CPA5: variants seen among roughly 807,000 people sequenced by gnomAD.
CPA5 encodes carboxypeptidase A5.
A neutral mutation model predicts 52.2 loss-of-function variants in CPA5; 38 were observed. The observed-to-expected ratio is 0.73, with a 90% confidence interval of 0.56 to 0.95. The LOEUF (loss-of-function observed/expected upper bound fraction) is 0.95, where lower values mean the gene tolerates loss of function less well. Ranked by LOEUF, CPA5 falls within the 40% of genes least tolerant of loss-of-function variation. CPA5 has a pLI of 0.00. For synonymous variants in CPA5, 198 were observed against 213.7 expected, an observed-to-expected ratio of 0.93 and a Z score of 0.64; for missense variants, 519 against 566.7, an observed-to-expected ratio of 0.92 and a Z score of 0.86.
At chr7:130,367,849 A>C (rs1164493376) in intron 11 of CPA5, 57 bp from the exon 12 acceptor site, 2 of 1,405,728 alleles carry the variant, frequency 1.4e-6, no homozygotes, top group African/African-American at 2.8e-5. Flanking sequence ...AGGGTGGGGG[A>C]GTGTGTGGGA....
At chr7:130,374,424 G>C in the CPA5 span, among the ~76,000 whole-genome samples, 2 of 151,950 alleles carry the variant, frequency 1.3e-5, no homozygotes, top group African/African-American at 4.8e-5. Context: ...TTCACCTCTT[G>C]CTCTCTTCTA....
At chr7:130,359,798 C>T (rs1366948267) in intron 6 of CPA5, 111 bp downstream of exon 6, 1 of 707,132 alleles carries the variant, frequency 1.4e-6, no homozygotes, top group East Asian at 2.7e-5. Context: ...GAAACTGTGA[C>T]TGACACTTAG....
At position 130,345,871 on chromosome 7, in the gene CPA5, A is replaced by G. The variant is rs1794699961; in HGVS notation, c.-119A>G. 6.6e-6 allele frequency: 1 copy of G among 152,198 alleles called. No homozygotes were observed. Among genetic ancestry groups the G allele is most frequent in the East Asian group, 1.9e-4 (1 of 5,188 alleles). The allele number at this position is 152,198 out of a possible 1,614,324, so 9.4% of individuals were successfully genotyped here. On this transcript the variant is annotated 5_prime_UTR_variant, in exon 2 of 13. Transcript: ENST00000474905. Reference sequence around the variant, plus strand: ...CAAGCCAATTCACTCAAGTTGTCTCATCTATACCCCTTCAAACCCTGTGAG... The same window carrying G: ...CAAGCCAATTCACTCAAGTTGTCTCGTCTATACCCCTTCAAACCCTGTGAG...
chr7:130,362,391 G>T (rs1554406891), intron 7 of CPA5, 47 bp from the exon 8 acceptor site: 1 of 1,370,710 alleles, frequency 7.3e-7, no homozygotes, highest in Non-Finnish European at 1.0e-6. Flanking sequence ...AGAGACAGTA[G>T]CTGTCTGAGT....
chr7:130,346,643 G>A, intron 3 of CPA5, 42 bp downstream of exon 3: 4 of 1,527,088 alleles, frequency 2.6e-6, no homozygotes, highest in Non-Finnish European at 3.6e-6. Flanking sequence ...CTGGCTGGGA[G>A]GAGGGGACTG....
chr7:130,353,167 C>T (rs1795275803), intron 5 of CPA5, among the ~76,000 whole-genome samples: 3 of 152,094 alleles, frequency 2.0e-5, no homozygotes, highest in African/African-American at 7.2e-5. Context: ...CCAGCCATCA[C>T]CCCATTTTTA....
At chr7:130,347,331 C>A (rs1307386778) in intron 3 of CPA5, among the ~76,000 whole-genome samples, 1 of 152,234 alleles carries the variant, frequency 6.6e-6, no homozygotes, top group African/African-American at 2.4e-5. Context: ...TCGAGACAGA[C>A]CATGGCCTTG....
intron 5 of CPA5, among the ~76,000 whole-genome samples, chr7:130,352,476 C>A (rs1324980261): frequency 6.6e-6 from 1 of 150,682 alleles, no homozygotes; most frequent in Non-Finnish European, 1.5e-5. Flanking sequence ...TCTGAGAAGG[C>A]GGTAATTACG....
intron 12 of CPA5, 110 bp downstream of exon 12, chr7:130,368,100 G>C: frequency 9.8e-7 from 1 of 1,016,002 alleles, no homozygotes; most frequent in Non-Finnish European, 1.5e-6. Context: ...TCCCACACTG[G>C]ATAGAAGGGT....
intron 5 of CPA5, among the ~76,000 whole-genome samples, chr7:130,353,061 A>G (rs2117342341): frequency 6.6e-6 from 1 of 152,090 alleles, no homozygotes; most frequent in South Asian, 2.1e-4. Context: ...TGCGTTGCCA[A>G]TTTCCCTCGC....
At chr7:130,349,925 G>A (rs1477074731) in intron 4 of CPA5, 50 bp from the exon 5 acceptor site, 1 of 1,579,866 alleles carries the variant, frequency 6.3e-7, no homozygotes, top group Non-Finnish European at 8.6e-7. Flanking sequence ...ACAGGATTGT[G>A]TGGAAGGACA....
downstream of CPA5, among the ~76,000 whole-genome samples, chr7:130,373,079 T>C (rs138704817): frequency 2.1e-3 from 315 of 152,264 alleles, no homozygotes; most frequent in East Asian, 0.024. Context: ...GATTGAGGGT[T>C]CACCCCTCTG....
Position 130,352,062 on chromosome 7 carries a change from T to C in CPA5, c.333+1953T>C, listed in dbSNP as rs558806454. On this transcript the variant is annotated intron_variant, in intron 5 of 12. Coordinates refer to ENST00000474905, the MANE Select transcript of CPA5 (RefSeq NM_080385.5). ...GCTTGATAAATGTCAGTGGAACTAATAGACATTCATTAGGAGGAGGAAAGG... is the reference window on the plus strand; with the variant it reads ...GCTTGATAAATGTCAGTGGAACTAACAGACATTCATTAGGAGGAGGAAAGG... Among the ~76,000 whole-genome samples the C allele has an allele frequency of 6.6e-5, 10 of 152,262 alleles. No homozygotes were observed. The South Asian group carries it at 1.2e-3, about 19-fold the overall frequency.
At chr7:130,363,933 T>C (rs1481560749) in intron 10 of CPA5, among the ~76,000 whole-genome samples, 1 of 152,220 alleles carries the variant, frequency 6.6e-6, no homozygotes, top group Non-Finnish European at 1.5e-5. Context: ...GAAATGCCTC[T>C]GAACTCTTTC....
At chr7:130,364,442 C>T (rs566803565) in intron 10 of CPA5, among the ~76,000 whole-genome samples, 1 of 152,336 alleles carries the variant, frequency 6.6e-6, no homozygotes, top group African/African-American at 2.4e-5. Context: ...ATCCACTCAC[C>T]TCGGCCTCCC....
At chr7:130,361,893 T>C (rs1795811082) in intron 7 of CPA5, among the ~76,000 whole-genome samples, 1 of 152,226 alleles carries the variant, frequency 6.6e-6, no homozygotes. Context: ...TCAACGATTC[T>C]CTGATGGGCT....
intron 5 of CPA5, among the ~76,000 whole-genome samples, chr7:130,356,771 T>G (rs1321512484): frequency 2.6e-5 from 4 of 152,060 alleles, no homozygotes; most frequent in African/African-American, 9.7e-5. Flanking sequence ...TTCTAGTCCT[T>G]TCTTTTTCCG....
At chr7:130,361,318 A>G in intron 7 of CPA5, 74 bp downstream of exon 7, 1 of 1,057,772 alleles carries the variant, frequency 9.5e-7, no homozygotes, top group East Asian at 2.4e-5. Flanking sequence ...CATATGGGGT[A>G]GTGGCTGGGC....
At position 130,359,645 on chromosome 7, in the gene CPA5, C is replaced by T. The variant is rs1554406056; in HGVS notation, c.390C>T (p.Ser130=). Residue 130 remains serine, a synonymous_variant, in exon 6 of 13, where the codon AGC becomes AGT. Transcript: ENST00000474905. ...CGAAATCCCGCCGGCTGGAGCGCAGCACCAACAGCTTCAGTTACTCATCAT... is the reference window on the plus strand; with the variant it reads ...CGAAATCCCGCCGGCTGGAGCGCAGTACCAACAGCTTCAGTTACTCATCAT... ...AMAKSRRLER[S]TNSFSYSSYH... 1 of 1,585,724 alleles carries T rather than the reference C, an allele frequency of 6.3e-7. No individual in the cohort carries two copies. The highest frequency in any genetic ancestry group is 8.6e-7 in the Non-Finnish European group (1 of 1,166,090).
Sources: allele counts gnomAD v4.1 joint callset (sites outside exome capture counted in the v4.1 genomes callset), GRCh38; gene constraint gnomAD v4.1.1; transcripts MANE v1.5; gene names NCBI Gene and HGNC (gene_info 2026-07-23, HGNC 2026-07-21).